Variants in EXTL3 observed in about 807,000 individuals in gnomAD.
EXTL3 encodes the protein exostosin-like 3.
Under a neutral mutation model 69.3 loss-of-function variants are expected in EXTL3, and 27 were observed. The ratio of observed to expected loss-of-function variants is 0.39; its 90% CI spans 0.29 to 0.54. EXTL3 has a LOEUF of 0.54. Among genes scored for constraint, EXTL3 ranks in the 20% least tolerant of loss-of-function variants. EXTL3 has a pLI of 0.69. For synonymous variants in EXTL3, 511 were observed against 499.4 expected (o/e 1.02, Z -0.31); for missense variants, 1,003 against 1,231.8 (o/e 0.81, Z 2.78).
At chr8:28,639,083 G>A (rs112636664) in intron 1 of EXTL3, among the ~76,000 whole-genome samples, 3,910 of 151,576 alleles carry the variant, frequency 0.026, 133 homozygotes, top group African/African-American at 0.081. Context: ...GACTACAGGC[G>A]CCCACCACCA....
At chr8:28,644,732 C>T (rs1165307854) in intron 1 of EXTL3, among the ~76,000 whole-genome samples, 1 of 152,126 alleles carries the variant, frequency 6.6e-6, no homozygotes, top group African/African-American at 2.4e-5. Flanking sequence ...CGTTATGATT[C>T]CTTGCTTCAA....
chr8:28,750,714 GACTCCC>G lies in EXTL3; in HGVS notation c.2612_2617del (p.Ser871_His872del). ...ATGCCCTCAGGCCCTGTCTCATGAT[GACTCCC>G]ACTTCCACGAGCGGCACAAGTGCAT... On this transcript the variant is annotated inframe_deletion, in exon 7 of 7. Coordinates refer to ENST00000220562, the MANE Select transcript of EXTL3 (RefSeq NM_001440.4). This position sits in a 1 kb window ranked among gnomAD's most constrained non-coding sequence, Gnocchi z 5.2. The G allele has an allele frequency of 6.2e-7, 1 of 1,614,160 alleles. No homozygotes were observed. Among genetic ancestry groups the G allele is most frequent in the Non-Finnish European group, 8.5e-7 (1 of 1,180,036 alleles).
intron 1 of EXTL3, among the ~76,000 whole-genome samples, chr8:28,705,724 G>C (rs1291317934): frequency 6.6e-6 from 1 of 152,206 alleles, no homozygotes; most frequent in Non-Finnish European, 1.5e-5. Flanking sequence ...CGTTAGATTA[G>C]TTTATATTCT....
intron 6 of EXTL3, among the ~76,000 whole-genome samples, chr8:28,748,952 AAAG>A (rs1801947307): frequency 6.6e-6 from 1 of 152,224 alleles, no homozygotes; most frequent in African/African-American, 2.4e-5. Flanking sequence ...AAAAAACAAA[AAAG>A]AAAACTAGAC....
chr8:28,750,149 A>G lies in EXTL3; in HGVS notation c.2551-508A>G, dbSNP rs1801973322. Among the ~76,000 whole-genome samples the G allele has an allele frequency of 6.6e-6, 1 of 152,254 alleles. No individual in the cohort carries two copies. Among genetic ancestry groups the G allele is most frequent in the African/African-American group, 2.4e-5 (1 of 41,470 alleles). On this transcript the variant is annotated intron_variant, in intron 6 of 6. Transcript: ENST00000220562. This position sits in a 1 kb window ranked among gnomAD's most constrained non-coding sequence, Gnocchi z 5.2. ...GTTAGACATTTTCTAATTAATAATA[A>G]TATGACTAGACTGTAGTATGGCCAC...
chr8:28,748,303 G>T (rs924997722), intron 6 of EXTL3, among the ~76,000 whole-genome samples: 15 of 151,704 alleles, frequency 9.9e-5, no homozygotes, highest in Non-Finnish European at 1.5e-4. Flanking sequence ...CCTGGGAGGC[G>T]GAGTTCGTAG....
At chr8:28,697,487 C>T (rs184138683), upstream of EXTL3, 1 of 152,298 alleles carries the variant, frequency 6.6e-6, no homozygotes, top group Admixed American at 6.5e-5. Flanking sequence ...TGCTGGGTAC[C>T]AAAGGTTCAA....
chr8:28,635,796 G>A (rs1032312786), intron 1 of EXTL3, among the ~76,000 whole-genome samples: 3 of 151,808 alleles, frequency 2.0e-5, no homozygotes, highest in Non-Finnish European at 2.9e-5. Flanking sequence ...CCAGCACAAG[G>A]CTACATTGTA....
At chr8:28,654,768 A>G (rs992505977) in intron 1 of EXTL3, among the ~76,000 whole-genome samples, 1 of 152,144 alleles carries the variant, frequency 6.6e-6, no homozygotes, top group African/African-American at 2.4e-5. Flanking sequence ...CTTCTTTTTC[A>G]TACCCCAATT....
In EXTL3 at chr8:28,750,363, C is replaced by A. The variant is rs1801977456; in HGVS notation, c.2551-294C>A. On this transcript the variant is annotated intron_variant, in intron 6 of 6. Transcript: ENST00000220562. The surrounding 1 kb of genome is among the most constrained non-coding windows in gnomAD (Gnocchi z 5.2). ...TCGGTACCTACCTATGGCTCTGCAA[C>A]CAAGTACATACTAGGAGTAGACTTA... Among the ~76,000 whole-genome samples the A allele has an allele frequency of 6.6e-6, 1 of 152,198 alleles. No individual in the cohort carries two copies. The highest frequency in any genetic ancestry group is 1.5e-5 in the Non-Finnish European group (1 of 68,038).
intron 1 of EXTL3, among the ~76,000 whole-genome samples, chr8:28,661,488 A>G (rs925743186): frequency 6.6e-6 from 1 of 152,088 alleles, no homozygotes; most frequent in African/African-American, 2.4e-5. Context: ...ACCTAAATAT[A>G]AAGCCTTAAC....
At chr8:28,637,048 A>G (rs990742334) in intron 1 of EXTL3, among the ~76,000 whole-genome samples, 5 of 152,066 alleles carry the variant, frequency 3.3e-5, no homozygotes, top group Admixed American at 2.6e-4. Context: ...GAAGGGAGGA[A>G]GGAAACATAG....
intron 2 of EXTL3, among the ~76,000 whole-genome samples, chr8:28,611,837 G>T (rs1345509614): frequency 6.6e-6 from 1 of 152,228 alleles, no homozygotes; most frequent in African/African-American, 2.4e-5. Context: ...AGGGGTCACA[G>T]GGTTAAATAC....
At chr8:28,683,623 G>A (rs1280941122) in intron 1 of EXTL3, among the ~76,000 whole-genome samples, 1 of 152,070 alleles carries the variant, frequency 6.6e-6, no homozygotes, top group Non-Finnish European at 1.5e-5. Flanking sequence ...GACCATCCTG[G>A]CTAACATGGT....
rs1459777303 is a variant in EXTL3, at chr8:28,721,296, A to AG, written c.2148+3093dup. On this transcript the variant is annotated intron_variant, in intron 3 of 6. Coordinates refer to ENST00000220562, the MANE Select transcript of EXTL3 (RefSeq NM_001440.4). ...AGCCTGCACCAAGCATGCATGGCTT[A>AG]GGGGTGGGCCAGAGACAGAGCAGTT... Among the ~76,000 whole-genome samples, 6 of 152,318 alleles carry AG rather than the reference A, an allele frequency of 3.9e-5. 1 individual carries two copies. Among genetic ancestry groups the AG allele is most frequent in the African/African-American group, 1.4e-4 (6 of 41,568 alleles).
At chr8:28,619,856 T>C (rs1411757195), upstream of EXTL3, among the ~76,000 whole-genome samples, 4 of 58,680 alleles carry the variant, frequency 6.8e-5, no homozygotes, top group Admixed American at 1.4e-4. Flanking sequence ...TTTTTTTTTT[T>C]TTTTTTTTTT....
chr8:28,627,736 C>T lies in EXTL3; in HGVS notation c.-53+4926C>T, dbSNP rs376700327. ...GATAAACAAAATGTGTCAGTACAAA[C>T]AATGGAATATTATTTAGCCTTAAAA... On this transcript the variant is annotated intron_variant, in intron 1 of 6. Coordinates refer to the EXTL3 transcript ENST00000523149. Among the ~76,000 whole-genome samples the T allele has an allele frequency of 7.2e-5, 11 of 152,272 alleles. No homozygotes were observed. The South Asian group carries it at 1.0e-3, about 14-fold the overall frequency.
intron 1 of EXTL3, among the ~76,000 whole-genome samples, chr8:28,654,148 A>G (rs1001948356): frequency 2.6e-5 from 4 of 152,226 alleles, no homozygotes; most frequent in African/African-American, 9.6e-5. Context: ...ATATCTCTAG[A>G]ATATAAGAGG....
intron 4 of EXTL3, among the ~76,000 whole-genome samples, chr8:28,735,928 A>G (rs1801643291): frequency 6.6e-6 from 1 of 152,188 alleles, no homozygotes; most frequent in Non-Finnish European, 1.5e-5. Flanking sequence ...CTGTGGTTCC[A>G]TTATGTGAGG....
Sources: allele counts gnomAD v4.1 joint callset (sites outside exome capture counted in the v4.1 genomes callset), GRCh38; gene constraint gnomAD v4.1.1; non-coding constraint Gnocchi (gnomAD v3.1); transcripts MANE v1.5; gene names NCBI Gene and HGNC (gene_info 2026-07-23, HGNC 2026-07-21).